Variants in LEPR observed in about 807,000 individuals in gnomAD.
The protein encoded by LEPR is OB receptor.
A neutral mutation model predicts 114.7 loss-of-function variants in LEPR; 56 were observed. The ratio of observed to expected loss-of-function variants is 0.49; its 90% CI spans 0.39 to 0.61. LEPR has a LOEUF of 0.61. Ranked by LOEUF, LEPR falls within the 20% of genes least tolerant of loss-of-function variation. The pLI is 0.00. For synonymous variants in LEPR, 443 were observed against 461.4 expected (o/e 0.96, Z 0.51); for missense variants, 1,202 against 1,352.9 (o/e 0.89, Z 1.75).
chr1:65,600,647 C>T (rs3790420), intron 8 of LEPR, among the ~76,000 whole-genome samples: 71,142 of 151,680 alleles, frequency 0.47, 17,880 homozygotes, highest in East Asian at 0.88. Flanking sequence ...ACTTGTATCT[C>T]GCATGTCTTT....
chr1:65,543,769 A>C (rs1651421929), intron 2 of LEPR, among the ~76,000 whole-genome samples: 1 of 152,022 alleles, frequency 6.6e-6, no homozygotes, highest in Non-Finnish European at 1.5e-5. Context: ...GTCAAAGATC[A>C]GATGGTTGTA....
In LEPR at chr1:65,570,748, A is replaced by C; in HGVS notation, c.316A>C (p.Ile106Leu). Residue 106 changes from isoleucine to leucine, a missense_variant, in exon 4 of 20, where the codon ATT becomes CTT. Ile to Leu is a conservative substitution (Grantham distance 5, BLOSUM62 2). Coordinates refer to ENST00000349533, the MANE Select transcript of LEPR (RefSeq NM_002303.6). ...DRNCSLCADN[I>L]EGKTFVSTVN... Reference sequence around the variant, plus strand: ...AAACTGCTCCTTATGTGCAGACAACATTGAAGGAAAGACATTTGTTTCAAC... The same window carrying C: ...AAACTGCTCCTTATGTGCAGACAACCTTGAAGGAAAGACATTTGTTTCAAC... 6.3e-7 allele frequency: 1 copy of C among 1,590,192 alleles called. No individual in the cohort carries two copies. The highest frequency in any genetic ancestry group is 2.2e-5 in the East Asian group (1 of 44,512).
chr1:65,523,073 G>A (rs1649716718), intron 2 of LEPR, among the ~76,000 whole-genome samples: 1 of 152,124 alleles, frequency 6.6e-6, no homozygotes, highest in African/African-American at 2.4e-5. Flanking sequence ...AGCCTAGAAT[G>A]TAAATTCTAT....
intron 2 of LEPR, among the ~76,000 whole-genome samples, chr1:65,470,941 G>A (rs1647075694): frequency 1.3e-5 from 2 of 152,302 alleles, no homozygotes; most frequent in Admixed American, 6.5e-5. Context: ...GTGGGTAAGA[G>A]TAAAAATTAA....
At chr1:65,423,103 G>A (rs368248219) in intron 1 of LEPR, among the ~76,000 whole-genome samples, 15 of 152,156 alleles carry the variant, frequency 9.9e-5, no homozygotes, top group African/African-American at 3.6e-4. Flanking sequence ...ATAGTGGTTT[G>A]GTTTTACACG....
chr1:65,525,359 G>A (rs2100593071), intron 2 of LEPR, among the ~76,000 whole-genome samples: 1 of 152,282 alleles, frequency 6.6e-6, no homozygotes, highest in Admixed American at 6.5e-5. Context: ...GTACTGCCAG[G>A]GAACTCGCGG....
At position 65,605,076 on chromosome 1, in the gene LEPR, C is replaced by T. The variant is rs367797193; in HGVS notation, c.1442C>T (p.Pro481Leu). The change falls in exon 11 of 20, where the codon CCC (proline) becomes CTC (leucine). Residue 481 changes from proline (P) to leucine (L), a missense_variant. By Grantham distance (98) the Pro-to-Leu change is moderately conservative. Coordinates refer to ENST00000349533, the MANE Select transcript of LEPR (RefSeq NM_002303.6). ...TGTTCTGATATTCCATCTATTCATC[C>T]CATATCTGAGCCCAAAGATTGCTAT... ...LYCSDIPSIH[P>L]ISEPKDCYLQ... 22 of 1,613,752 alleles carry T rather than the reference C, an allele frequency of 1.4e-5. No homozygotes were observed. The highest frequency in any genetic ancestry group is 1.8e-5 in the Non-Finnish European group (21 of 1,180,006).
chr1:65,601,851 A>G lies in LEPR; in HGVS notation c.1294A>G (p.Ile432Val), dbSNP rs760194956. 1.2e-6 allele frequency: 2 copies of G among 1,612,900 alleles called. No homozygotes were observed. Reference protein sequence around the residue: ...YAELYVIDVNINISCETDGYL... With the variant: ...YAELYVIDVNVNISCETDGYL... ...TAATATGTTTCAAATAGATGTCAAT[A>G]TCAATATCTCATGTGAAACTGATGG... The change falls in exon 10 of 20, where the codon ATC becomes GTC. Residue 432 changes from isoleucine (I) to valine (V), a missense_variant. By Grantham distance (29) the Ile-to-Val change is conservative (BLOSUM62 3). Coordinates refer to ENST00000349533, the MANE Select transcript of LEPR (RefSeq NM_002303.6).
chr1:65,432,261 TA>T (rs1204968357), intron 2 of LEPR: 2 of 1,004,220 alleles, frequency 2.0e-6, no homozygotes, highest in African/African-American at 3.5e-5. Context: ...GAGAGGCAGA[TA>T]ACGCTGAAGC....
chr1:65,421,355 T>A, intron 1 of LEPR: 1 of 1,536,062 alleles, frequency 6.5e-7, no homozygotes, highest in Non-Finnish European at 8.7e-7. Flanking sequence ...GTGTAGTATG[T>A]GTTTTTTGCA....
chr1:65,620,013 T>A lies in LEPR; in HGVS notation c.2481T>A (p.Ser827Arg). ...TGGGAAAACCAAAGATAATTAATAG[T>A]TTCACTCAAGGTAAAAATTATAATT... ...EGVGKPKIIN[S>R]FTQDDIEKHQ... The change falls in exon 17 of 20, where the codon AGT becomes AGA. Residue 827 changes from serine to arginine, a missense_variant. Transcript: ENST00000349533. The A allele has an allele frequency of 6.2e-7, 1 of 1,609,594 alleles. No homozygotes were observed. Among genetic ancestry groups the A allele is most frequent in the Non-Finnish European group, 8.5e-7 (1 of 1,176,398 alleles).
intron 19 of LEPR, among the ~76,000 whole-genome samples, chr1:65,632,541 C>T (rs778999647): frequency 2.0e-5 from 3 of 151,926 alleles, no homozygotes; most frequent in Non-Finnish European, 4.4e-5. Flanking sequence ...GATTGTTGGA[C>T]TAGAAAAAAA....
intron 8 of LEPR, 45 bp from the exon 9 acceptor site, chr1:65,601,347 A>G (rs922358181): frequency 1.3e-6 from 2 of 1,599,980 alleles, no homozygotes; most frequent in African/African-American, 2.7e-5. Context: ...AATTACTTAC[A>G]GAATGTTTTG....
At chr1:65,586,869 A>G (rs1164605061) in intron 5 of LEPR, among the ~76,000 whole-genome samples, 1 of 152,132 alleles carries the variant, frequency 6.6e-6, no homozygotes, top group African/African-American at 2.4e-5. Context: ...TAGATACTAT[A>G]TAGTCATTAT....
intron 2 of LEPR, among the ~76,000 whole-genome samples, chr1:65,497,363 G>C (rs1303844033): frequency 6.6e-6 from 1 of 152,098 alleles, no homozygotes; most frequent in Non-Finnish European, 1.5e-5. Flanking sequence ...TGTGCATCTA[G>C]TCTGTTTCTT....
intron 2 of LEPR, among the ~76,000 whole-genome samples, chr1:65,498,077 G>A (rs140824993): frequency 1.3e-3 from 197 of 152,226 alleles, no homozygotes; most frequent in Non-Finnish European, 3.1e-4. Flanking sequence ...TATGAATATT[G>A]TAGGATAGTG....
At chr1:65,429,939 A>G (rs978004030) in intron 2 of LEPR, 17 of 1,569,338 alleles carry the variant, frequency 1.1e-5, no homozygotes, top group East Asian at 4.6e-5. Context: ...AGAGTCACCT[A>G]TGACTCAGAT....
At chr1:65,495,851 T>C (rs1648129164) in intron 2 of LEPR, among the ~76,000 whole-genome samples, 1 of 152,118 alleles carries the variant, frequency 6.6e-6, no homozygotes, top group Non-Finnish European at 1.5e-5. Flanking sequence ...CTAAAAAAGT[T>C]GATCTCATAG....
rs1647329558 is a variant in LEPR, at chr1:65,483,655, T to C, written c.-21+58277T>C. On this transcript the variant is annotated intron_variant, in intron 2 of 19. Transcript: ENST00000349533. ...CTTCTCTAATCTCACTTGTTACTAC[T>C]TTCCCATCACTCTTGCCATCCTCAG... 2.0e-5 allele frequency among the ~76,000 whole-genome samples: 3 copies of C among 152,312 alleles called. No homozygotes were observed. The South Asian group carries it at 6.2e-4, about 32-fold the overall frequency.
Sources: allele counts gnomAD v4.1 joint callset (sites outside exome capture counted in the v4.1 genomes callset), GRCh38; gene constraint gnomAD v4.1.1; transcripts MANE v1.5; gene names NCBI Gene and HGNC (gene_info 2026-07-23, HGNC 2026-07-21).